The following DYM variants were observed in gnomAD, a reference collection of about 807,000 sequenced individuals.
The protein encoded by DYM is dyggve-Melchior-Clausen syndrome protein.
A neutral mutation model predicts 93.1 loss-of-function variants in DYM; 78 were observed. That is an observed-to-expected ratio of 0.84 (90% CI 0.70 to 1.01). DYM has a LOEUF of 1.01. Among genes scored for constraint, DYM ranks in the 50% least tolerant of loss-of-function variants. The probability of loss-of-function intolerance (pLI) is 0.00; values close to 1 mark genes in which losing one functional copy is unlikely to be tolerated. For synonymous variants in DYM, 321 were observed against 319.7 expected (o/e 1.00, Z -0.04); for missense variants, 789 against 845.0 (o/e 0.93, Z 0.82).
At chr18:49,419,798 T>C (rs1006156718) in intron 2 of DYM, among the ~76,000 whole-genome samples, 2 of 152,234 alleles carry the variant, frequency 1.3e-5, no homozygotes, top group Admixed American at 6.5e-5. Context: ...TAAGTCTACT[T>C]TAGTATATTT....
At chr18:49,119,825 T>G (rs1360611257) in intron 15 of DYM, among the ~76,000 whole-genome samples, 1 of 151,976 alleles carries the variant, frequency 6.6e-6, no homozygotes, top group Non-Finnish European at 1.5e-5. Context: ...TGGTGGCTCA[T>G]GCCTGTAATC....
At chr18:49,144,340 G>A (rs1357074025) in intron 15 of DYM, among the ~76,000 whole-genome samples, 1 of 151,982 alleles carries the variant, frequency 6.6e-6, no homozygotes, top group Non-Finnish European at 1.5e-5. Context: ...TTCATAGATG[G>A]TGGTGTGTTC....
intron 13 of DYM, among the ~76,000 whole-genome samples, chr18:49,249,822 GA>G (rs1407460773): frequency 7.2e-5 from 11 of 152,196 alleles, no homozygotes; most frequent in African/African-American, 2.7e-4. Flanking sequence ...TGATGGCTGT[GA>G]GAAAAAGTGA....
intron 17 of DYM, among the ~76,000 whole-genome samples, chr18:49,046,301 GCGCACACACA>G (rs2071528292): frequency 7.0e-6 from 1 of 142,002 alleles, no homozygotes; most frequent in South Asian, 2.3e-4. Flanking sequence ...AGACATGCGC[GCGCACACACA>G]CACACACACC....
At chr18:49,327,095 G>A (rs2062949994) in intron 8 of DYM, among the ~76,000 whole-genome samples, 1 of 150,300 alleles carries the variant, frequency 6.7e-6, no homozygotes, top group Non-Finnish European at 1.5e-5. Flanking sequence ...GAATGAGACA[G>A]AAGAGGAGAA....
intron 14 of DYM, among the ~76,000 whole-genome samples, chr18:49,190,526 AATT>A (rs1246346943): frequency 6.6e-6 from 1 of 152,204 alleles, no homozygotes; most frequent in Non-Finnish European, 1.5e-5. Context: ...CTACTGTTAT[AATT>A]AATAGGGTCT....
intron 1 of DYM, among the ~76,000 whole-genome samples, chr18:49,437,090 A>G (rs1338785017): frequency 6.6e-6 from 1 of 152,178 alleles, no homozygotes; most frequent in Non-Finnish European, 1.5e-5. Context: ...TTCTTTTTGT[A>G]TCAGTAATAT....
chr18:49,260,340 C>T (rs1311032910), intron 11 of DYM, among the ~76,000 whole-genome samples: 4 of 152,178 alleles, frequency 2.6e-5, no homozygotes, highest in Non-Finnish European at 4.4e-5. Flanking sequence ...CGAGATGTTG[C>T]CACTGCACTC....
chr18:49,065,854 G>A (rs1219889739), intron 17 of DYM, among the ~76,000 whole-genome samples: 1 of 152,060 alleles, frequency 6.6e-6, no homozygotes, highest in East Asian at 1.9e-4. Context: ...TCTTAGGAGA[G>A]CAAAAACGGG....
intron 8 of DYM, among the ~76,000 whole-genome samples, chr18:49,296,472 G>C (rs1457491580): frequency 2.6e-5 from 4 of 152,086 alleles, no homozygotes; most frequent in South Asian, 2.1e-4. Context: ...GTACCAAAAA[G>C]ACACTAATGC....
chr18:49,361,314 A>G (rs180797828), intron 6 of DYM, among the ~76,000 whole-genome samples: 2 of 152,252 alleles, frequency 1.3e-5, no homozygotes, highest in East Asian at 1.9e-4. Flanking sequence ...TTCGAAATCT[A>G]TATTAAAATT....
At chr18:49,459,603 T>C (rs2083299573) in intron 1 of DYM, among the ~76,000 whole-genome samples, 1 of 151,788 alleles carries the variant, frequency 6.6e-6, no homozygotes, top group Admixed American at 6.6e-5. Flanking sequence ...CTCTCCAACT[T>C]CCCCTCTCCT....
intron 8 of DYM, among the ~76,000 whole-genome samples, chr18:49,306,375 AAGAC>A (rs2061275721): frequency 6.6e-6 from 1 of 152,230 alleles, no homozygotes; most frequent in Non-Finnish European, 1.5e-5. Flanking sequence ...TCAGAAAAGA[AAGAC>A]AGAAAAATCC....
At position 49,037,986 on chromosome 18, in the gene DYM, A is replaced by G. The variant is rs185983830; in HGVS notation, c.*6069T>C. 6.6e-6 allele frequency among the ~76,000 whole-genome samples: 1 copy of G among 152,192 alleles called. No individual in the cohort carries two copies. Among genetic ancestry groups the G allele is most frequent in the East Asian group, 1.9e-4 (1 of 5,188 alleles). On this transcript the variant is annotated 3_prime_UTR_variant, in exon 18 of 18. Coordinates refer to ENST00000675505, the MANE Select transcript of DYM (RefSeq NM_001353214.3). ...GCTATAGGCACATGCCACCATGCCC[A>G]GTTAATTTTTTTATTTTTTGTAAAG...
intron 11 of DYM, among the ~76,000 whole-genome samples, chr18:49,267,677 C>T (rs567534525): frequency 2.8e-4 from 43 of 152,154 alleles, no homozygotes; most frequent in African/African-American, 9.9e-4. Flanking sequence ...CTGGATCACT[C>T]GAGGTCAGGA....
At chr18:49,058,278 G>A (rs922152579) in intron 17 of DYM, among the ~76,000 whole-genome samples, 1 of 151,756 alleles carries the variant, frequency 6.6e-6, no homozygotes, top group African/African-American at 2.4e-5. Flanking sequence ...TTATAACACA[G>A]GCTCCAATTT....
At chr18:49,139,320 A>G (rs935038449) in intron 15 of DYM, among the ~76,000 whole-genome samples, 1 of 152,032 alleles carries the variant, frequency 6.6e-6, no homozygotes, top group Non-Finnish European at 1.5e-5. Flanking sequence ...TTCCTCCAAC[A>G]TTTGCTTTCT....
intron 2 of DYM, among the ~76,000 whole-genome samples, chr18:49,399,934 CTTTTTTTTTTTTTTT>C (rs1201370040): frequency 6.1e-5 from 4 of 66,110 alleles, no homozygotes; most frequent in African/African-American, 1.7e-4. Context: ...TTTTATTTTT[CTTTTTTTTTTTTTTT>C]TTTTTTTTTT....
chr18:49,360,951 C>A (rs2065963475), intron 6 of DYM, among the ~76,000 whole-genome samples: 2 of 152,228 alleles, frequency 1.3e-5, no homozygotes, highest in African/African-American at 4.8e-5. Flanking sequence ...ATTGCCTCCA[C>A]ATTCCAGGAA....
Sources: gnomAD v4.1 joint callset for allele counts (sites outside exome capture counted in the v4.1 genomes callset) on GRCh38, gnomAD v4.1.1 for gene constraint, MANE v1.5 for transcripts, NCBI Gene and HGNC (gene_info 2026-07-23, HGNC 2026-07-21) for gene names.